ABCB1: variants seen among roughly 807,000 people sequenced by gnomAD.
ABCB1 encodes the protein ATP binding cassette subfamily B member 1.
A neutral mutation model predicts 142.0 loss-of-function variants in ABCB1; 69 were observed. That is an observed-to-expected ratio of 0.49 (90% CI 0.40 to 0.59). The LOEUF (loss-of-function observed/expected upper bound fraction) is 0.59. Among genes scored for constraint, ABCB1 ranks in the 20% least tolerant of loss-of-function variants. ABCB1 has a pLI of 0.00. For missense variants in ABCB1, 1,326 were observed against 1,554.7 expected, an observed-to-expected ratio of 0.85 and a Z score of 2.47; for synonymous variants, 532 against 539.2, an observed-to-expected ratio of 0.99 and a Z score of 0.18.
At chr7:87,637,854 C>T (rs1231101706) in intron 1 of ABCB1, among the ~76,000 whole-genome samples, 2 of 151,770 alleles carry the variant, frequency 1.3e-5, no homozygotes, top group African/African-American at 4.8e-5. Flanking sequence ...ATGTCATTTG[C>T]TTATTTTATT....
chr7:87,609,217 A>G (rs1298719281), intron 1 of ABCB1, among the ~76,000 whole-genome samples: 3 of 152,218 alleles, frequency 2.0e-5, no homozygotes, highest in Non-Finnish European at 2.9e-5. Flanking sequence ...GGCAGACCTC[A>G]TTAAGGAGAT....
At chr7:87,548,152 A>G (rs1440609574) in intron 14 of ABCB1, among the ~76,000 whole-genome samples, 827 of 54,370 alleles carry the variant, frequency 0.015, 12 homozygotes, top group African/African-American at 0.022. Flanking sequence ...AAGGGGAGGG[A>G]AGGGAAGGGG....
intron 1 of ABCB1, among the ~76,000 whole-genome samples, chr7:87,656,394 G>C (rs1824108405): frequency 6.6e-6 from 1 of 152,078 alleles, no homozygotes; most frequent in Non-Finnish European, 1.5e-5. Context: ...CTTAGGAATT[G>C]GTTGGTTGTG....
intron 1 of ABCB1, among the ~76,000 whole-genome samples, chr7:87,692,280 G>T (rs943876491): frequency 6.6e-6 from 1 of 152,010 alleles, no homozygotes; most frequent in African/African-American, 2.4e-5. Context: ...GCAAGATCTG[G>T]TCTCTACAAA....
chr7:87,644,644 A>G (rs763068039), intron 1 of ABCB1, among the ~76,000 whole-genome samples: 2 of 152,138 alleles, frequency 1.3e-5, no homozygotes, highest in Non-Finnish European at 2.9e-5. Flanking sequence ...AAGAAGATCT[A>G]TTTTATTTGA....
At chr7:87,656,286 A>C (rs1020436657) in intron 1 of ABCB1, among the ~76,000 whole-genome samples, 2 of 152,030 alleles carry the variant, frequency 1.3e-5, no homozygotes, top group African/African-American at 4.8e-5. Flanking sequence ...AAAAGAAAAA[A>C]TTAATACAGT....
chr7:87,613,642 G>T (rs1819936006), intron 1 of ABCB1, among the ~76,000 whole-genome samples: 1 of 152,154 alleles, frequency 6.6e-6, no homozygotes, highest in Admixed American at 6.5e-5. Flanking sequence ...ACAAATGGGA[G>T]CCAAATATTG....
chr7:87,596,927 C>T (rs189126252), intron 2 of ABCB1, among the ~76,000 whole-genome samples: 1 of 152,082 alleles, frequency 6.6e-6, no homozygotes, highest in Admixed American at 6.5e-5. Flanking sequence ...TAGCTCTAAG[C>T]CTTTTATTTA....
At chr7:87,576,164 T>A (rs918595794) in intron 4 of ABCB1, among the ~76,000 whole-genome samples, 1 of 152,062 alleles carries the variant, frequency 6.6e-6, no homozygotes, top group Non-Finnish European at 1.5e-5. Flanking sequence ...TGATCTTTTT[T>A]TTTTTTGCTG....
intron 23 of ABCB1, among the ~76,000 whole-genome samples, chr7:87,517,364 TTCTCTC>T (rs3028303): frequency 1.3e-5 from 2 of 151,112 alleles, no homozygotes; most frequent in African/African-American, 4.9e-5. Context: ...CTCTCTCTCT[TTCTCTC>T]TCTCTCTCTC....
At chr7:87,517,115 T>C (rs568597236) in intron 23 of ABCB1, among the ~76,000 whole-genome samples, 1 of 152,242 alleles carries the variant, frequency 6.6e-6, no homozygotes, top group South Asian at 2.1e-4. Flanking sequence ...ACAAACACAT[T>C]TCCTTATAAG....
At chr7:87,601,016 C>T (rs1025249401), upstream of ABCB1, 2 of 152,252 alleles carry the variant, frequency 1.3e-5, no homozygotes, top group Admixed American at 6.5e-5. Context: ...ATGCTGATTC[C>T]TCGAGAAACT....
At chr7:87,595,850 A>G in intron 2 of ABCB1, 36 bp from the exon 3 acceptor site, 1 of 1,546,148 alleles carries the variant, frequency 6.5e-7, no homozygotes, top group Non-Finnish European at 8.9e-7. Context: ...AAAACTTTAA[A>G]AAGTACATAT....
At chr7:87,603,157 A>G (rs898691680), upstream of ABCB1, 1 of 152,266 alleles carries the variant, frequency 6.6e-6, no homozygotes. Flanking sequence ...GAGTAATAAT[A>G]TATAATGATA....
At chr7:87,639,996 G>T (rs1279973780) in intron 1 of ABCB1, among the ~76,000 whole-genome samples, 1 of 150,666 alleles carries the variant, frequency 6.6e-6, no homozygotes, top group East Asian at 1.9e-4. Flanking sequence ...TTTATTCCAT[G>T]ATTCCAGTTT....
intron 1 of ABCB1, among the ~76,000 whole-genome samples, chr7:87,685,412 C>A (rs1827357437): frequency 6.6e-6 from 1 of 152,092 alleles, no homozygotes. Flanking sequence ...TTATCAAGCT[C>A]TTTTGTCAAA....
At chr7:87,515,759 CT>C (rs373621469) in intron 24 of ABCB1, among the ~76,000 whole-genome samples, 41 of 145,478 alleles carry the variant, frequency 2.8e-4, no homozygotes, top group East Asian at 6.0e-4. Context: ...CCCAGCTAAT[CT>C]TTTTTTTTTT....
At chr7:87,702,142 CAAAA>C (rs146127516) in intron 1 of ABCB1, among the ~76,000 whole-genome samples, 702 of 16,342 alleles carry the variant, frequency 0.043, 1 homozygote, top group African/African-American at 0.12. Context: ...GACTCTGTCT[CAAAA>C]AAAAAAAAAA....
chr7:87,574,161 G>C (rs951044994), intron 4 of ABCB1, among the ~76,000 whole-genome samples: 3 of 152,152 alleles, frequency 2.0e-5, no homozygotes, highest in Non-Finnish European at 4.4e-5. Context: ...GTGAGTTGAA[G>C]GGACGGCTTT....
Sources: allele counts gnomAD v4.1 joint callset (sites outside exome capture counted in the v4.1 genomes callset), GRCh38; gene constraint gnomAD v4.1.1; transcripts MANE v1.5; gene names NCBI Gene and HGNC (gene_info 2026-07-23, HGNC 2026-07-21).